Variants in ADAM32 observed in about 807,000 individuals in gnomAD.
ADAM32 encodes disintegrin and metalloproteinase domain-containing protein 32.
In ADAM32, 89 loss-of-function variants were observed where a neutral mutation model predicts 114.9. The ratio of observed to expected loss-of-function variants is 0.77; its 90% CI spans 0.65 to 0.92. The LOEUF (loss-of-function observed/expected upper bound fraction) is 0.92, where lower values mean the gene tolerates loss of function less well. ADAM32 is among the 40% of genes least tolerant of loss of function. The pLI is 0.00. For missense variants in ADAM32, 870 were observed against 932.8 expected (o/e 0.93, Z 0.88); for synonymous variants, 285 against 307.5 (o/e 0.93, Z 0.77).
intron 11 of ADAM32, among the ~76,000 whole-genome samples, chr8:39,188,426 A>G (rs997385641): frequency 6.6e-6 from 1 of 152,100 alleles, no homozygotes; most frequent in Non-Finnish European, 1.5e-5. Flanking sequence ...TCACAACAAC[A>G]TAAGAATAAT....
intron 6 of ADAM32, chr8:39,158,573 G>A: frequency 2.9e-6 from 1 of 345,396 alleles, no homozygotes; most frequent in Non-Finnish European, 5.6e-6. Context: ...GGAAAGCTGT[G>A]AGGTGGACCA....
intron 10 of ADAM32, among the ~76,000 whole-genome samples, chr8:39,174,022 A>G (rs552505137): frequency 6.6e-6 from 1 of 152,234 alleles, no homozygotes; most frequent in East Asian, 1.9e-4. Context: ...ACAAGGTTTC[A>G]CTGTGTTGGT....
intron 12 of ADAM32, among the ~76,000 whole-genome samples, chr8:39,220,162 GTTGAA>G (rs981398699): frequency 1.3e-5 from 2 of 152,090 alleles, no homozygotes; most frequent in Middle Eastern, 3.2e-3. Context: ...AAGTCTTCTT[GTTGAA>G]TTGAACTCTT....
At chr8:39,269,320 C>A (rs1241223991) in intron 19 of ADAM32, among the ~76,000 whole-genome samples, 4 of 152,200 alleles carry the variant, frequency 2.6e-5, no homozygotes, top group Non-Finnish European at 5.9e-5. Context: ...TCAAAGTTCG[C>A]TGTACTGCAC....
intron 17 of ADAM32, among the ~76,000 whole-genome samples, chr8:39,249,839 A>G (rs1045343674): frequency 6.6e-6 from 1 of 151,994 alleles, no homozygotes; most frequent in African/African-American, 2.4e-5. Flanking sequence ...TGCTTGTTTG[A>G]GAGTCTTTAT....
At chr8:39,243,890 G>T (rs1047967668) in intron 16 of ADAM32, among the ~76,000 whole-genome samples, 1 of 151,964 alleles carries the variant, frequency 6.6e-6, no homozygotes, top group African/African-American at 2.4e-5. Flanking sequence ...AAACCCTAAA[G>T]ACTCATCAAA....
chr8:39,212,388 A>G (rs1211251378), intron 12 of ADAM32, among the ~76,000 whole-genome samples: 1 of 152,178 alleles, frequency 6.6e-6, no homozygotes, highest in Admixed American at 6.6e-5. Context: ...TTTTAAGTGT[A>G]CGGGTTGATG....
chr8:39,268,194 T>A (rs1360112867), intron 19 of ADAM32, among the ~76,000 whole-genome samples: 1 of 152,246 alleles, frequency 6.6e-6, no homozygotes, highest in Non-Finnish European at 1.5e-5. Flanking sequence ...AGTGGTTTTG[T>A]CATCTTGTAT....
chr8:39,249,447 T>C (rs779657902), intron 17 of ADAM32, among the ~76,000 whole-genome samples: 2 of 152,184 alleles, frequency 1.3e-5, no homozygotes, highest in Non-Finnish European at 2.9e-5. Flanking sequence ...CATTTTTCTG[T>C]AGTTTCCATT....
chr8:39,230,375 G>A (rs1374343753), intron 14 of ADAM32, among the ~76,000 whole-genome samples: 2 of 152,166 alleles, frequency 1.3e-5, no homozygotes, highest in East Asian at 3.9e-4. Context: ...ATTAATGAGA[G>A]GGGGTTATTG....
At chr8:39,135,317 C>T (rs1479350920) in intron 2 of ADAM32, among the ~76,000 whole-genome samples, 1 of 152,076 alleles carries the variant, frequency 6.6e-6, no homozygotes, top group Non-Finnish European at 1.5e-5. Flanking sequence ...GGTCCTTCTG[C>T]CTTATATTTG....
At chr8:39,109,358 C>CA (rs1194803650) in intron 1 of ADAM32, among the ~76,000 whole-genome samples, 3 of 151,832 alleles carry the variant, frequency 2.0e-5, no homozygotes, top group Non-Finnish European at 4.4e-5. Flanking sequence ...TCAGCCTGGC[C>CA]AACATGGTGA....
intron 15 of ADAM32, among the ~76,000 whole-genome samples, chr8:39,233,461 C>A (rs1044604221): frequency 1.3e-5 from 2 of 152,140 alleles, no homozygotes; most frequent in African/African-American, 2.4e-5. Context: ...GTATAATGAG[C>A]AATGAGGATG....
intron 16 of ADAM32, among the ~76,000 whole-genome samples, chr8:39,238,836 C>G (rs768254801): frequency 6.6e-6 from 1 of 151,694 alleles, no homozygotes; most frequent in Non-Finnish European, 1.5e-5. Flanking sequence ...AGCTTTAACA[C>G]AAGGCTTTGG....
rs1334850257 is a variant in ADAM32, at chr8:39,160,910, T to A, written c.539T>A (p.Val180Asp). The A allele has an allele frequency of 6.3e-7, 1 of 1,597,642 alleles. No individual in the cohort carries two copies. The highest frequency in any genetic ancestry group is 8.5e-7 in the Non-Finnish European group (1 of 1,172,476). The part of the protein sequence containing the change: ...IFISEKSEPA[V>D]PDLFPLYLEM... ...CCTTTTTTCTAGTCAGAACCAGCTG[T>A]TCCAGATTTATTTCCTCTTTATCTA... is the stretch of plus-strand genomic sequence containing the variant. Residue 180 changes from valine to aspartate, a missense_variant, in exon 7 of 25, where the codon GTT (valine) becomes GAT (aspartate). By Grantham distance (152) the Val-to-Asp change is radical. Coordinates refer to ENST00000379907, the MANE Select transcript of ADAM32 (RefSeq NM_145004.7).
intron 20 of ADAM32, among the ~76,000 whole-genome samples, chr8:39,272,505 C>G (rs1031117270): frequency 6.6e-6 from 1 of 152,110 alleles, no homozygotes; most frequent in Non-Finnish European, 1.5e-5. Flanking sequence ...GCCTGTACAG[C>G]ATCTTATGGT....
At chr8:39,258,920 A>G (rs184882800) in intron 19 of ADAM32, among the ~76,000 whole-genome samples, 354 of 152,268 alleles carry the variant, frequency 2.3e-3, no homozygotes, top group Non-Finnish European at 3.8e-3. Flanking sequence ...TAATATCTTA[A>G]ATACAATTTT....
rs1013625893 is a variant in ADAM32 at position 39,221,587 on chromosome 8, T to C, written c.1234-23T>C. Reference sequence around the variant, plus strand: ...TACTATTGTCATGATGTATTTTTACTTGTACATTTCACTAATTCATAGCAA... The same window carrying C: ...TACTATTGTCATGATGTATTTTTACCTGTACATTTCACTAATTCATAGCAA... On this transcript the variant is annotated intron_variant, in intron 12 of 24. Transcript: ENST00000379907. The C allele has an allele frequency of 5.7e-6, 9 of 1,565,878 alleles. No individual in the cohort carries two copies. In the Admixed American group the frequency reaches 1.5e-4, roughly 26 times the overall value.
chr8:39,192,556 A>G (rs1055722821), intron 11 of ADAM32, among the ~76,000 whole-genome samples: 1 of 152,106 alleles, frequency 6.6e-6, no homozygotes, highest in African/African-American at 2.4e-5. Flanking sequence ...TCCTGCCATC[A>G]TGTTGTTAGC....
Sources: allele counts gnomAD v4.1 joint callset (sites outside exome capture counted in the v4.1 genomes callset), GRCh38; gene constraint gnomAD v4.1.1; transcripts MANE v1.5; gene names NCBI Gene and HGNC (gene_info 2026-07-23, HGNC 2026-07-21).